The following GORASP1 variants were observed in gnomAD, a reference collection of about 807,000 sequenced individuals.
GORASP1 encodes Golgi reassembly-stacking protein 1.
GORASP1 carries 31 observed loss-of-function variants against 37.7 expected under a neutral mutation model. The ratio of observed to expected loss-of-function variants is 0.82; its 90% CI spans 0.62 to 1.11. The LOEUF (loss-of-function observed/expected upper bound fraction) is 1.11, where lower values mean the gene tolerates loss of function less well. Ranked by LOEUF, GORASP1 falls within the 50% of genes least tolerant of loss-of-function variation. The pLI, the probability that GORASP1 is intolerant of heterozygous loss-of-function variation, is 0.00. For synonymous variants in GORASP1, 204 were observed against 224.8 expected, an observed-to-expected ratio of 0.91 and a Z score of 0.83; for missense variants, 476 against 560.7, an observed-to-expected ratio of 0.85 and a Z score of 1.53.
Position 39,099,370 on chromosome 3 carries a change from T to C in GORASP1, c.899A>G (p.Gln300Arg). 1 of 1,613,358 alleles carries C rather than the reference T, an allele frequency of 6.2e-7. No individual in the cohort carries two copies. Among genetic ancestry groups the C allele is most frequent in the Non-Finnish European group, 8.5e-7 (1 of 1,179,674 alleles). Residue 300 changes from glutamine to arginine, a missense_variant, in exon 7 of 9, where the codon CAG becomes CGG. By Grantham distance (43) the Gln-to-Arg change is conservative. Transcript: ENST00000319283. ...ETPLQPPPPV[Q>R]RVMDPGFLDV... is the part of the protein sequence containing the mutation. ...CCCAGTACCTGGGTCCATAACTCGC[T>C]GCACTGGAGGTGGGGGCTGAAGAGG...
chr3:39,102,560 T>C lies in GORASP1; in HGVS notation c.348+118A>G. 1 of 1,003,898 alleles carries C rather than the reference T, an allele frequency of 1.0e-6. No homozygotes were observed. The highest frequency in any genetic ancestry group is 1.5e-6 in the Non-Finnish European group (1 of 663,538). 62.2% of individuals were successfully genotyped at this position (1,003,898 alleles called of 1,614,324 possible). On this transcript the variant is annotated intron_variant, in intron 3 of 8. Coordinates refer to ENST00000319283, the MANE Select transcript of GORASP1 (RefSeq NM_031899.4). This position sits in a 1 kb window ranked among gnomAD's most constrained non-coding sequence, Gnocchi z 5.0. The stretch of plus-strand genomic sequence containing the variant: ...CCTGCCCTCAGTCTTCCCTGGCCAC[T>C]GCTCCAAGGCTCCCACTCCACTCCT...
chr3:39,104,727 C>T (rs770289815), intron 1 of GORASP1, among the ~76,000 whole-genome samples: 2 of 152,226 alleles, frequency 1.3e-5, no homozygotes, highest in Admixed American at 6.5e-5. Context: ...GGCAGCATCA[C>T]CAACTGAGCC....
In GORASP1 at chr3:39,100,779, T is replaced by TA. The variant is rs773754771; in HGVS notation, c.533dup (p.Thr179AsnfsTer52). 1 of 1,614,056 alleles carries TA rather than the reference T, an allele frequency of 6.2e-7. No individual in the cohort carries two copies. The highest frequency in any genetic ancestry group is 2.2e-5 in the East Asian group (1 of 44,878). The stretch of plus-strand genomic sequence containing the variant: ...CTCCACCCCAGGCTGCGTTGGGAGT[T>TA]ACAGTCACCTCCCGGCAGGAGTCTG... On this transcript the variant is annotated frameshift_variant, in exon 5 of 9. Coordinates refer to ENST00000319283, the MANE Select transcript of GORASP1 (RefSeq NM_031899.4). LOFTEE classifies it high-confidence loss of function. The surrounding 1 kb of genome is among the most constrained non-coding windows in gnomAD (Gnocchi z 4.6).
intron 6 of GORASP1, among the ~76,000 whole-genome samples, 195 bp from the exon 7 acceptor site, chr3:39,099,698 C>A (rs1283428894): frequency 6.6e-6 from 1 of 152,196 alleles, no homozygotes; most frequent in African/African-American, 2.4e-5. Context: ...CTGGCCTGGC[C>A]TCCCTGCAGT....
Position 39,104,906 on chromosome 3 carries a change from G to A in GORASP1, c.64-1353C>T, listed in dbSNP as rs531875715. 2.3e-3 allele frequency among the ~76,000 whole-genome samples: 346 copies of A among 152,306 alleles called. 1 individual carries two copies. The highest frequency in any genetic ancestry group is 7.8e-3 in the African/African-American group (323 of 41,564). On this transcript the variant is annotated intron_variant, in intron 1 of 8. Transcript: ENST00000319283. The stretch of plus-strand genomic sequence containing the variant: ...AACCCTTCAGGTGAGGGGATCTTTC[G>A]AAAACCACAGGACAGGACAGTTATT...
chr3:39,099,595 T>G, intron 6 of GORASP1, 92 bp from the exon 7 acceptor site: 2 of 1,303,756 alleles, frequency 1.5e-6, no homozygotes, highest in Non-Finnish European at 2.2e-6. Flanking sequence ...AGTCCCCACT[T>G]GTCCCAGGAA....
chr3:39,106,638 G>C (rs2036131310), intron 1 of GORASP1, among the ~76,000 whole-genome samples: 1 of 152,108 alleles, frequency 6.6e-6, no homozygotes, highest in Non-Finnish European at 1.5e-5. Context: ...TTTCACTAGG[G>C]AAAGGGGGGG....
At chr3:39,099,775 C>T (rs2035579080) in intron 6 of GORASP1, among the ~76,000 whole-genome samples, 1 of 152,198 alleles carries the variant, frequency 6.6e-6, no homozygotes, top group African/African-American at 2.4e-5. Context: ...CTGGCCCCAA[C>T]ACATTCCCTT....
At chr3:39,101,979 TA>T (rs1251524249) in intron 3 of GORASP1, among the ~76,000 whole-genome samples, 1 of 152,192 alleles carries the variant, frequency 6.6e-6, no homozygotes, top group Admixed American at 6.5e-5. Context: ...CATATAAGAA[TA>T]TACCAGAAAA....
intron 3 of GORASP1, 74 bp from the exon 4 acceptor site, chr3:39,101,176 C>A (rs1478574416): frequency 3.0e-6 from 4 of 1,346,710 alleles, no homozygotes; most frequent in African/African-American, 1.4e-5. Context: ...GCAGGGGGAA[C>A]TGCCTCTTGA....
In GORASP1 at chr3:39,105,093, T is replaced by A. The variant is rs149220107; in HGVS notation, c.64-1540A>T. Among the ~76,000 whole-genome samples, 1,766 of 152,206 alleles carry A rather than the reference T, an allele frequency of 0.012. 32 individuals are homozygous for A. Among genetic ancestry groups the A allele is most frequent in the African/African-American group, 0.04 (1,644 of 41,500 alleles). On this transcript the variant is annotated intron_variant, in intron 1 of 8. Coordinates refer to ENST00000319283, the MANE Select transcript of GORASP1 (RefSeq NM_031899.4). The surrounding 1 kb of genome is among the most constrained non-coding windows in gnomAD (Gnocchi z 5.4). The stretch of plus-strand genomic sequence containing the variant: ...GGGTCAGGCCCCAGGCCTGGCCTCC[T>A]TGACCCACCCAATACCTCCACCACC...
intron 1 of GORASP1, among the ~76,000 whole-genome samples, chr3:39,106,233 A>C (rs939471913): frequency 2.0e-5 from 3 of 152,174 alleles, no homozygotes; most frequent in Non-Finnish European, 4.4e-5. Context: ...TAGGAGCTCA[A>C]AACTTTGTTT....
rs993052853 is a variant in GORASP1 at position 39,107,608 on chromosome 3, T to C, written c.-67A>G. Reference sequence around the variant, plus strand: ...CCTACCCGGACCGACCCGACGCCAGTAGCACCGACTCGCTCTCTCGGCGCT... The same window carrying C: ...CCTACCCGGACCGACCCGACGCCAGCAGCACCGACTCGCTCTCTCGGCGCT... On this transcript the variant is annotated 5_prime_UTR_variant, in exon 1 of 9. Transcript: ENST00000319283. 5.7e-6 allele frequency: 8 copies of C among 1,396,656 alleles called. No individual in the cohort carries two copies. Among genetic ancestry groups the C allele is most frequent in the East Asian group, 2.5e-5 (1 of 39,958 alleles). The allele number at this position is 1,396,656 out of a possible 1,614,324, so 86.5% of individuals were successfully genotyped here.
Position 39,107,495 on chromosome 3 carries a change from C to G in GORASP1, c.47G>C (p.Gly16Ala). Reference sequence around the variant, plus strand: ...GCAACTCACCCCGTGGAGGTGGAAGCCCTCGGCGCCGCCTGCGGGCTGCTC... The same window carrying G: ...GCAACTCACCCCGTGGAGGTGGAAGGCCTCGGCGCCGCCTGCGGGCTGCTC... ...SAEQPAGGAE[G>A]FHLHGVQENS... Residue 16 changes from glycine to alanine, a missense_variant, in exon 1 of 9, where the codon GGC (glycine) becomes GCC (alanine). Physicochemically the swap from Gly to Ala is moderately conservative, Grantham distance 60. Transcript: ENST00000319283. 6.9e-7 allele frequency: 1 copy of G among 1,452,932 alleles called. No homozygotes were observed. Among genetic ancestry groups the G allele is most frequent in the Non-Finnish European group, 9.0e-7 (1 of 1,111,072 alleles). The allele number at this position is 1,452,932 out of a possible 1,614,324, so 90.0% of individuals were successfully genotyped here. A position where few individuals can be genotyped will look rare whatever the true frequency, so the allele number is the denominator to read the frequency against.
rs889543505 is a variant in GORASP1, at chr3:39,098,178, C to A, written c.*58G>T. ...TGACCGCATAGTGCAGCCCGGGCTG[C>A]CTGCCCACATCTGGGCCTCATGAAA... On this transcript the variant is annotated 3_prime_UTR_variant, in exon 9 of 9. Coordinates refer to ENST00000319283, the MANE Select transcript of GORASP1 (RefSeq NM_031899.4). This position sits in a 1 kb window ranked among gnomAD's most constrained non-coding sequence, Gnocchi z 4.7. 3 of 1,576,592 alleles carry A rather than the reference C, an allele frequency of 1.9e-6. No individual in the cohort carries two copies. In the African/African-American group the frequency reaches 4.0e-5, roughly 21 times the overall value.
intron 1 of GORASP1, among the ~76,000 whole-genome samples, chr3:39,106,461 C>T (rs760645761): frequency 3.1e-4 from 47 of 152,194 alleles, no homozygotes; most frequent in Non-Finnish European, 6.2e-4. Flanking sequence ...TAAGAAAGCC[C>T]ATTCCCAAGC....
Position 39,098,822 on chromosome 3 carries a change from A to G in GORASP1, c.988T>C (p.Ser330Pro). Residue 330 changes from serine (S) to proline (P), a missense_variant, in exon 8 of 9, where the codon TCC becomes CCC. Physicochemically the swap from Ser to Pro is moderately conservative, Grantham distance 74. Transcript: ENST00000319283. The surrounding 1 kb of genome is among the most constrained non-coding windows in gnomAD (Gnocchi z 4.7). ...ACAGCTGTGGTGGTCAGTTCTGTGG[A>G]AGAGGGCAGGCTGGGCCACACACTG... is the stretch of plus-strand genomic sequence containing the variant. ...NASVWPSLPS[S>P]TELTTTAVST... The G allele has an allele frequency of 6.2e-7, 1 of 1,614,128 alleles. No individual in the cohort carries two copies. The highest frequency in any genetic ancestry group is 8.5e-7 in the Non-Finnish European group (1 of 1,180,006).
chr3:39,098,636 G>A lies in GORASP1; in HGVS notation c.1069+105C>T. ...AGTGTACAAATGCCTTGGTGTGGCT[G>A]TATCAACCCGATGGCCCACTTCTGC... On this transcript the variant is annotated intron_variant, in intron 8 of 8. Coordinates refer to ENST00000319283, the MANE Select transcript of GORASP1 (RefSeq NM_031899.4). This position sits in a 1 kb window ranked among gnomAD's most constrained non-coding sequence, Gnocchi z 4.7. 1.3e-6 allele frequency: 2 copies of A among 1,511,362 alleles called. No homozygotes were observed. Among genetic ancestry groups the A allele is most frequent in the Non-Finnish European group, 1.8e-6 (2 of 1,115,338 alleles). The allele number at this position is 1,511,362 out of a possible 1,614,324, so 93.6% of individuals were successfully genotyped here. A position where few individuals can be genotyped will look rare whatever the true frequency, so the allele number is the denominator to read the frequency against.
At chr3:39,106,397 C>T (rs1255760621) in intron 1 of GORASP1, among the ~76,000 whole-genome samples, 2 of 152,078 alleles carry the variant, frequency 1.3e-5, no homozygotes, top group African/African-American at 4.8e-5. Flanking sequence ...TGTTGGAAGA[C>T]GCTCCTGGCT....
Sources: gnomAD v4.1 joint callset for allele counts (sites outside exome capture counted in the v4.1 genomes callset) on GRCh38, gnomAD v4.1.1 for gene constraint, Gnocchi (gnomAD v3.1) non-coding constraint, MANE v1.5 for transcripts, NCBI Gene and HGNC (gene_info 2026-07-23, HGNC 2026-07-21) for gene names.